DCTD: variants seen among roughly 807,000 people sequenced by gnomAD.
The protein encoded by DCTD is deoxycytidylate deaminase.
Under a neutral mutation model 21.0 loss-of-function variants are expected in DCTD, and 23 were observed. The observed-to-expected ratio is 1.09, with a 90% CI of 0.79 to 1.55. The LOEUF is 1.55. DCTD is among the 40% of genes most tolerant of loss of function. The pLI is 0.00. For missense variants in DCTD, 224 were observed against 230.0 expected (o/e 0.97, Z 0.17); for synonymous variants, 71 against 81.1 (o/e 0.88, Z 0.67).
chr4:182,903,145 T>C (rs1736046357), intron 3 of DCTD, among the ~76,000 whole-genome samples: 1 of 152,106 alleles, frequency 6.6e-6, no homozygotes, highest in Non-Finnish European at 1.5e-5. Context: ...AAATGCTGTG[T>C]GAACTCCAAA....
intron 3 of DCTD, among the ~76,000 whole-genome samples, chr4:182,908,959 C>T (rs1478243736): frequency 6.6e-6 from 1 of 152,132 alleles, no homozygotes; most frequent in Non-Finnish European, 1.5e-5. Flanking sequence ...ACGAGGTGAA[C>T]TGACTCAAAA....
At chr4:182,908,682 C>CAAAA (rs34915632) in intron 3 of DCTD, among the ~76,000 whole-genome samples, 81 of 63,620 alleles carry the variant, frequency 1.3e-3, no homozygotes, top group African/African-American at 1.9e-3. Context: ...GACTCTGTCT[C>CAAAA]AAAAAAAAAA....
chr4:182,914,040 C>T lies in DCTD; in HGVS notation c.244+883G>A, dbSNP rs181178602. Among the ~76,000 whole-genome samples the T allele has an allele frequency of 3.6e-3, 542 of 152,232 alleles. 2 individuals carry two copies. Among genetic ancestry groups the T allele is most frequent in the African/African-American group, 0.013 (522 of 41,528 alleles). ...TTTTGTTTTTTGAGACAGAGTCTTGCTCTGTCACCCAGGCTGGAGTGCAGT... is the reference window on the plus strand; with the variant it reads ...TTTTGTTTTTTGAGACAGAGTCTTGTTCTGTCACCCAGGCTGGAGTGCAGT... On this transcript the variant is annotated intron_variant, in intron 3 of 5. Transcript: ENST00000438320.
chr4:182,915,731 A>G (rs982585176), intron 1 of DCTD, 156 bp from the exon 2 acceptor site: 5 of 726,804 alleles, frequency 6.9e-6, no homozygotes, highest in Non-Finnish European at 8.7e-6. Flanking sequence ...GGCCCTAAAC[A>G]GTCTCTGGTC....
intron 3 of DCTD, among the ~76,000 whole-genome samples, chr4:182,903,289 G>A (rs1039872434): frequency 1.3e-5 from 2 of 152,234 alleles, no homozygotes; most frequent in African/African-American, 2.4e-5. Context: ...CCCCGATCAC[G>A]CTGCACCCGA....
At chr4:182,917,508 G>A (rs1339506732), upstream of DCTD, 3 of 294,092 alleles carry the variant, frequency 1.0e-5, no homozygotes, top group African/African-American at 6.8e-5. This position sits in a 1 kb window ranked among gnomAD's most constrained non-coding sequence, Gnocchi z 4.9. Context: ...GGCGGGGGCG[G>A]GTCGCACGCC....
chr4:182,895,246 T>C (rs1347058533), intron 3 of DCTD, among the ~76,000 whole-genome samples: 4 of 152,168 alleles, frequency 2.6e-5, no homozygotes, highest in African/African-American at 9.7e-5. Context: ...ATTTTTTGTA[T>C]CTTTTGTAGA....
intron 1 of DCTD, chr4:182,916,386 G>A: frequency 1.0e-6 from 1 of 985,542 alleles, no homozygotes; most frequent in Non-Finnish European, 1.2e-6. Flanking sequence ...ACAAGGGCAA[G>A]GAAGGAAGAC....
At chr4:182,905,635 C>A (rs35058226) in intron 3 of DCTD, among the ~76,000 whole-genome samples, 2 of 152,072 alleles carry the variant, frequency 1.3e-5, no homozygotes, top group African/African-American at 4.8e-5. Context: ...CTCCTTCTCA[C>A]GGGCCCTTCT....
At chr4:182,898,587 C>T (rs992940776) in intron 3 of DCTD, among the ~76,000 whole-genome samples, 1 of 152,184 alleles carries the variant, frequency 6.6e-6, no homozygotes, top group Non-Finnish European at 1.5e-5. Flanking sequence ...CCTCCTCTCC[C>T]CAGGCAAACA....
At chr4:182,897,488 T>C (rs930275757) in intron 3 of DCTD, among the ~76,000 whole-genome samples, 4 of 145,882 alleles carry the variant, frequency 2.7e-5, no homozygotes, top group African/African-American at 1.0e-4. Context: ...CTTTATTCAT[T>C]TGATAAATAT....
chr4:182,905,211 T>C (rs1463670507), intron 3 of DCTD, among the ~76,000 whole-genome samples: 1 of 152,054 alleles, frequency 6.6e-6, no homozygotes, highest in South Asian at 2.1e-4. Context: ...GAAACTGTAC[T>C]TGGCTGAAAC....
chr4:182,916,930 C>A, intron 1 of DCTD: 22 of 1,001,062 alleles, frequency 2.2e-5, no homozygotes, highest in Non-Finnish European at 2.5e-5. Context: ...GTCCCAGGCA[C>A]ACCCCACGCC....
chr4:182,914,883 C>G, intron 3 of DCTD, 40 bp downstream of exon 3: 1 of 1,612,544 alleles, frequency 6.2e-7, no homozygotes, highest in Non-Finnish European at 8.5e-7. Flanking sequence ...ACTCACCAGG[C>G]TATGTCACTA....
intron 5 of DCTD, 137 bp downstream of exon 5, chr4:182,892,894 A>C (rs544652896): frequency 2.8e-5 from 18 of 636,516 alleles, no homozygotes; most frequent in African/African-American, 2.8e-4. Flanking sequence ...ATAGTCTTTA[A>C]ATTCTTATGC....
At chr4:182,912,308 C>T (rs1737844923) in intron 3 of DCTD, among the ~76,000 whole-genome samples, 1 of 152,146 alleles carries the variant, frequency 6.6e-6, no homozygotes, top group East Asian at 1.9e-4. Flanking sequence ...AGACTTTAAG[C>T]CCATCTTTAC....
At chr4:182,900,282 C>T (rs992554891) in intron 3 of DCTD, among the ~76,000 whole-genome samples, 14 of 152,006 alleles carry the variant, frequency 9.2e-5, no homozygotes, top group African/African-American at 2.9e-4. Flanking sequence ...CACCACTGTA[C>T]TCCAGTCTGG....
intron 3 of DCTD, among the ~76,000 whole-genome samples, chr4:182,903,329 TC>T (rs1407245724): frequency 6.6e-6 from 1 of 152,058 alleles, no homozygotes; most frequent in Non-Finnish European, 1.5e-5. Flanking sequence ...ATCCAGACAC[TC>T]CTGCCCCCAG....
rs1733691094 is a variant in DCTD at position 182,891,246 on chromosome 4, A to G, written c.*153T>C. On this transcript the variant is annotated 3_prime_UTR_variant, in exon 6 of 6. Transcript: ENST00000438320. ...ATGTAGATTCCATGTGACAAGAGAG[A>G]CAGTAAGGAAGATTTGAGGCTTTAT... The G allele has an allele frequency of 3.1e-6, 2 of 650,820 alleles. No individual in the cohort carries two copies. The highest frequency in any genetic ancestry group is 5.0e-5 in the East Asian group (2 of 39,812). 40.3% of individuals were successfully genotyped at this position (650,820 alleles called of 1,614,324 possible).
Sources: gnomAD v4.1 joint callset for allele counts (sites outside exome capture counted in the v4.1 genomes callset) on GRCh38, gnomAD v4.1.1 for gene constraint, Gnocchi (gnomAD v3.1) non-coding constraint, MANE v1.5 for transcripts, NCBI Gene and HGNC (gene_info 2026-07-23, HGNC 2026-07-21) for gene names.